The following UNC80 variants were observed in gnomAD, a reference collection of about 807,000 sequenced individuals.
UNC80 encodes protein unc-80 homolog.
In UNC80, 164 loss-of-function variants were observed where a neutral mutation model predicts 384.6. The observed-to-expected ratio is 0.43, with a 90% CI of 0.38 to 0.49. UNC80 has a LOEUF of 0.49. UNC80 is among the 20% of genes least tolerant of loss of function. The pLI, the probability that UNC80 is intolerant of heterozygous loss-of-function variation, is 0.00. For missense variants in UNC80, 3,330 were observed against 4,143.0 expected (o/e 0.80, Z 5.39); for synonymous variants, 1,486 against 1,527.8 (o/e 0.97, Z 0.64).
chr2:209,926,546 G>T (rs59286329), intron 35 of UNC80, among the ~76,000 whole-genome samples: 1 of 152,304 alleles, frequency 6.6e-6, no homozygotes, highest in Non-Finnish European at 1.5e-5. Flanking sequence ...GGAGGTGGAG[G>T]TGGGAGGATT....
At chr2:209,807,245 ATAT>A (rs1298567792) in intron 7 of UNC80, among the ~76,000 whole-genome samples, 2 of 152,086 alleles carry the variant, frequency 1.3e-5, no homozygotes, top group African/African-American at 4.8e-5. Context: ...AGTTGTATTC[ATAT>A]TATTTTATAA....
intron 22 of UNC80, 36 bp downstream of exon 22, chr2:209,849,659 C>G (rs2082384586): frequency 9.7e-6 from 15 of 1,542,942 alleles, no homozygotes; most frequent in Non-Finnish European, 5.3e-6. Context: ...CCCTGCCCCC[C>G]ATCCCAAGTA....
intron 27 of UNC80, among the ~76,000 whole-genome samples, chr2:209,895,343 A>G (rs951066427): frequency 6.6e-6 from 1 of 152,222 alleles, no homozygotes; most frequent in African/African-American, 2.4e-5. Context: ...AGAAGTGTGG[A>G]TAAATTATCG....
rs760310834 is a variant in UNC80 at position 209,984,806 on chromosome 2, T to TC, written c.9258-50_9258-49insC. 72 of 1,492,294 alleles carry TC rather than the reference T, an allele frequency of 4.8e-5. No homozygotes were observed. The South Asian group carries it at 9.4e-4, about 20-fold the overall frequency. 92.4% of individuals were successfully genotyped at this position (1,492,294 alleles called of 1,614,324 possible). ...CATGCCTTTTTTCTTTTTTCTTTTT[T>TC]TTTTTCATTTTCTTTCCCTAAATGC... On this transcript the variant is annotated intron_variant, in intron 60 of 64. Transcript: ENST00000673920.
At chr2:209,809,285 G>A in intron 7 of UNC80, 2 of 750,324 alleles carry the variant, frequency 2.7e-6, no homozygotes, top group South Asian at 2.8e-5. Flanking sequence ...CTCAGCCTGG[G>A]TGCCCTCAAG....
In UNC80 at chr2:209,815,363, C is replaced by T; in HGVS notation, c.1307C>T (p.Ser436Leu). 6.4e-7 allele frequency: 1 copy of T among 1,551,446 alleles called. No individual in the cohort carries two copies. Among genetic ancestry groups the T allele is most frequent in the Non-Finnish European group, 8.7e-7 (1 of 1,146,874 alleles). Residue 436 changes from serine to leucine, a missense_variant, in exon 9 of 65, where the codon TCA becomes TTA. Around this residue, in one of 8 missense-constraint regions of UNC80, gnomAD observed 937 missense variants for 1,026.8 expected, o/e 0.91. Transcript: ENST00000673920. ...LRRSAVPDLS[S>L]DLGMNIFKKF... ...AGATCTGCAGTCCCAGATCTTTCTT[C>T]AGACCTGGGCATGAATATTTTTAAA...
intron 5 of UNC80, among the ~76,000 whole-genome samples, chr2:209,786,980 CATATAT>C (rs60467878): frequency 0.017 from 2,249 of 135,732 alleles, 21 homozygotes; most frequent in Non-Finnish European, 0.02. Context: ...TCTACAGAAG[CATATAT>C]ATATATATAT....
chr2:209,781,972 TCA>T (rs1314099064), intron 4 of UNC80, among the ~76,000 whole-genome samples: 2 of 152,216 alleles, frequency 1.3e-5, no homozygotes, highest in Non-Finnish European at 2.9e-5. Context: ...ATTCCACTAA[TCA>T]CAGAGTCCCA....
At chr2:209,808,487 C>T (rs1040792981) in intron 7 of UNC80, among the ~76,000 whole-genome samples, 1 of 148,328 alleles carries the variant, frequency 6.7e-6, no homozygotes, top group Non-Finnish European at 1.5e-5. Flanking sequence ...CACTTGAACC[C>T]GGAAGCGGAG....
At chr2:209,844,193 A>G (rs2124826174) in intron 21 of UNC80, among the ~76,000 whole-genome samples, 1 of 152,260 alleles carries the variant, frequency 6.6e-6, no homozygotes, top group East Asian at 1.9e-4. Context: ...TTTTTTGAGA[A>G]TGAAGTGTGG....
At chr2:209,848,178 C>T (rs2082290404) in intron 21 of UNC80, among the ~76,000 whole-genome samples, 1 of 151,952 alleles carries the variant, frequency 6.6e-6, no homozygotes, top group African/African-American at 2.4e-5. Flanking sequence ...CAAGGCTCTC[C>T]TGGAATTGTT....
Position 209,945,294 on chromosome 2 carries a change from A to G in UNC80, c.7189+105A>G, listed in dbSNP as rs141011447. 9 of 1,182,408 alleles carry G rather than the reference A, an allele frequency of 7.6e-6. No homozygotes were observed. In the East Asian group the frequency reaches 1.1e-4, roughly 15 times the overall value. The allele number at this position is 1,182,408 out of a possible 1,614,324, so 73.2% of individuals were successfully genotyped here. A position where few individuals can be genotyped will look rare whatever the true frequency, so the allele number is the denominator to read the frequency against. On this transcript the variant is annotated intron_variant, in intron 46 of 64. Transcript: ENST00000673920. ...CGTATATTTATATGTGTGTGTATATATAACTAAATCAAAGTAGCAAAAATA... is the reference window on the plus strand; with the variant it reads ...CGTATATTTATATGTGTGTGTATATGTAACTAAATCAAAGTAGCAAAAATA...
chr2:209,773,656 G>A (rs1574384998), intron 2 of UNC80, among the ~76,000 whole-genome samples: 2 of 152,324 alleles, frequency 1.3e-5, no homozygotes, highest in South Asian at 2.1e-4. Context: ...CAGGGAACCA[G>A]GTGGTGTAGG....
intron 22 of UNC80, among the ~76,000 whole-genome samples, chr2:209,862,673 T>TTTTTTTTTTTTTTC (rs2083433107): frequency 6.7e-6 from 1 of 148,996 alleles, no homozygotes; most frequent in Non-Finnish European, 1.5e-5. Context: ...TTTTTTGCTT[T>TTTTTTTTTTTTTTC]CCATTTGCTT....
At chr2:209,893,104 G>A (rs1411400311) in intron 26 of UNC80, among the ~76,000 whole-genome samples, 1 of 152,216 alleles carries the variant, frequency 6.6e-6, no homozygotes, top group Admixed American at 6.5e-5. Context: ...TTCTATCACA[G>A]TCACATTAAC....
intron 47 of UNC80, among the ~76,000 whole-genome samples, chr2:209,953,445 T>C (rs1376954802): frequency 6.9e-6 from 1 of 144,128 alleles, no homozygotes; most frequent in Non-Finnish European, 1.5e-5. Flanking sequence ...AAAAAAAAGA[T>C]TTATGTTGGT....
At chr2:209,972,536 C>A (rs180717354) in intron 55 of UNC80, among the ~76,000 whole-genome samples, 8 of 152,294 alleles carry the variant, frequency 5.3e-5, no homozygotes, top group African/African-American at 1.9e-4. Context: ...TTAGGAGATA[C>A]GTCCTATTTA....
intron 4 of UNC80, among the ~76,000 whole-genome samples, chr2:209,782,039 T>A (rs991188917): frequency 7.2e-5 from 11 of 152,202 alleles, no homozygotes; most frequent in African/African-American, 2.7e-4. Flanking sequence ...TCATCCCTAC[T>A]TACTACCTTA....
rs948288286 is a variant in UNC80, at chr2:209,922,341, C to T, written c.5620C>T (p.Arg1874Cys). Reference sequence around the variant, plus strand: ...TTCCCACAGGAATTATTCCTTCCGCCGCGGGTCAGTCTGGTCAGTGCGTTC... The same window carrying T: ...TTCCCACAGGAATTATTCCTTCCGCTGCGGGTCAGTCTGGTCAGTGCGTTC... ...STSHRNYSFR[R>C]GSVWSVRSAV... Residue 1874 changes from arginine to cysteine, a missense_variant, in exon 35 of 65, where the codon CGC becomes TGC. By Grantham distance (180) the Arg-to-Cys change is radical. This residue lies in a region of UNC80 where 1,049 missense variants were observed against 1,488.6 expected (regional missense o/e 0.70). Coordinates refer to ENST00000673920, the MANE Select transcript of UNC80 (RefSeq NM_001371986.1). The T allele has an allele frequency of 4.5e-6, 7 of 1,551,752 alleles. No individual in the cohort carries two copies. Among genetic ancestry groups the T allele is most frequent in the African/African-American group, 4.1e-5 (3 of 73,026 alleles).
Sources: allele counts gnomAD v4.1 joint callset (sites outside exome capture counted in the v4.1 genomes callset), GRCh38; gene constraint gnomAD v4.1.1; regional missense constraint gnomAD v4.1.1; transcripts MANE v1.5; gene names NCBI Gene and HGNC (gene_info 2026-07-23, HGNC 2026-07-21).